Variants in ITGA9 observed in about 807,000 individuals in gnomAD.
ITGA9 encodes the protein integrin alpha-9.
A neutral mutation model predicts 127.8 loss-of-function variants in ITGA9; 56 were observed. The observed-to-expected ratio is 0.44, with a 90% CI of 0.35 to 0.55. The LOEUF (loss-of-function observed/expected upper bound fraction) is 0.55. Among genes scored for constraint, ITGA9 ranks in the 20% least tolerant of loss-of-function variants. The pLI, the probability that ITGA9 is intolerant of heterozygous loss-of-function variation, is 0.00. For synonymous variants in ITGA9, 508 were observed against 514.5 expected, an observed-to-expected ratio of 0.99 and a Z score of 0.17; for missense variants, 1,196 against 1,347.1, an observed-to-expected ratio of 0.89 and a Z score of 1.76.
chr3:37,542,511 A>G lies in ITGA9; in HGVS notation c.1615A>G (p.Met539Val). Residue 539 changes from methionine to valine, a missense_variant, in exon 15 of 28, where the codon ATG (methionine) becomes GTG (valine). Physicochemically the swap from Met to Val is conservative, Grantham distance 21. Transcript: ENST00000264741. ...RVYFVLLGET[M>V]GQVTEKLQLT... ...CTACTTTGTGCTGCTGGGAGAGACC[A>G]TGGGTCAGGTCACAGAGAAGCTGCA... 6.2e-7 allele frequency: 1 copy of G among 1,614,146 alleles called. No individual in the cohort carries two copies. Among genetic ancestry groups the G allele is most frequent in the Non-Finnish European group, 8.5e-7 (1 of 1,180,018 alleles).
chr3:37,477,239 A>T (rs1253636724), intron 3 of ITGA9, among the ~76,000 whole-genome samples: 3 of 152,242 alleles, frequency 2.0e-5, no homozygotes, highest in Non-Finnish European at 4.4e-5. Flanking sequence ...TGTAGGCAAG[A>T]GACCAGTATC....
In ITGA9 at chr3:37,808,736, C is replaced by T. The variant is rs1305992638; in HGVS notation, c.3009+4794C>T. 2.0e-5 allele frequency: 3 copies of T among 152,198 alleles called. No homozygotes were observed. In the East Asian group the frequency reaches 5.8e-4, roughly 29 times the overall value. 9.4% of individuals were successfully genotyped at this position (152,198 alleles called of 1,614,324 possible). On this transcript the variant is annotated intron_variant, in intron 27 of 27. Transcript: ENST00000264741. ...CTAAGCTGGTCTTCAGAGTTCAAGA[C>T]AGCTTCATTCTCATGCCTGGCACCT...
intron 15 of ITGA9, among the ~76,000 whole-genome samples, chr3:37,592,101 C>A (rs2125615639): frequency 6.6e-6 from 1 of 152,276 alleles, no homozygotes; most frequent in Admixed American, 6.5e-5. Flanking sequence ...ATTCCTCCAG[C>A]CTGTCTCTTT....
chr3:37,471,712 G>T (rs1303058210), intron 2 of ITGA9, among the ~76,000 whole-genome samples: 1 of 152,156 alleles, frequency 6.6e-6, no homozygotes, highest in African/African-American at 2.4e-5. Context: ...TCAATTTTGG[G>T]TATTACATTT....
Position 37,518,091 on chromosome 3 carries a change from C to CGTGTGTGTGTGTGT in ITGA9, c.1141+483_1141+484insTGTGTGTGTGTGTG, listed in dbSNP as rs1491416800. On this transcript the variant is annotated intron_variant, in intron 10 of 27. Transcript: ENST00000264741. ...AGCTAGATTGACTTTTGAGAGTGTA[C>CGTGTGTGTGTGTGT]GCGTGTGTGTGTGTGTGTGTGTGTG... Among the ~76,000 whole-genome samples, 354 of 51,870 alleles carry CGTGTGTGTGTGTGT rather than the reference C, an allele frequency of 6.8e-3. 1 individual carries two copies. The highest frequency in any genetic ancestry group is 0.02 in the African/African-American group (322 of 16,090). 34.0% of individuals were successfully genotyped at this position (51,870 alleles called of 152,430 possible).
chr3:37,495,367 A>G (rs893043219), intron 5 of ITGA9, among the ~76,000 whole-genome samples: 4 of 152,186 alleles, frequency 2.6e-5, no homozygotes, highest in African/African-American at 9.7e-5. Context: ...GGCTGGTAGT[A>G]CATTTTTAGG....
At chr3:37,781,126 C>A (rs1458026977) in intron 25 of ITGA9, among the ~76,000 whole-genome samples, 1 of 152,246 alleles carries the variant, frequency 6.6e-6, no homozygotes, top group African/African-American at 2.4e-5. Context: ...CTTTAGCTTG[C>A]ATCAGAATCA....
intron 11 of ITGA9, 125 bp from the exon 12 acceptor site, chr3:37,523,395 CT>C (rs5848034): frequency 0.032 from 16,346 of 508,834 alleles, 8 homozygotes; most frequent in Middle Eastern, 0.058. Flanking sequence ...ATTAGGATTA[CT>C]TTTTTTTTTT....
At chr3:37,785,141 C>A in intron 26 of ITGA9, 63 bp downstream of exon 26, 2 of 1,162,290 alleles carry the variant, frequency 1.7e-6, no homozygotes, top group Non-Finnish European at 2.6e-6. Flanking sequence ...GACTTGGAGA[C>A]CTGGAGCTGG....
chr3:37,808,575 C>A (rs1476645577), intron 27 of ITGA9: 1 of 152,168 alleles, frequency 6.6e-6, no homozygotes, highest in East Asian at 1.9e-4. Context: ...TACAAACTGC[C>A]CCCAAATTGA....
chr3:37,743,643 C>A (rs1696464925), intron 21 of ITGA9, among the ~76,000 whole-genome samples: 2 of 152,156 alleles, frequency 1.3e-5, no homozygotes, highest in South Asian at 4.2e-4. Context: ...CTTTTATAAT[C>A]CAGTTTTTAA....
At chr3:37,802,100 C>T (rs1468111367) in intron 26 of ITGA9, among the ~76,000 whole-genome samples, 6 of 152,154 alleles carry the variant, frequency 3.9e-5, no homozygotes, top group East Asian at 1.9e-4. Flanking sequence ...GGGTTCAAAT[C>T]GTGACTGTGC....
At chr3:37,616,279 G>A (rs1221425757) in intron 15 of ITGA9, among the ~76,000 whole-genome samples, 1 of 152,206 alleles carries the variant, frequency 6.6e-6, no homozygotes, top group African/African-American at 2.4e-5. Context: ...GCGGTTTTGA[G>A]TGAATTTCTT....
chr3:37,743,827 T>C, intron 21 of ITGA9, 99 bp from the exon 22 acceptor site: 1 of 862,192 alleles, frequency 1.2e-6, no homozygotes, highest in Non-Finnish European at 2.0e-6. Context: ...TGCAAGACAC[T>C]GGATTAAATT....
rs150299592 is a variant in ITGA9, at chr3:37,710,388, A to G, written c.2068-22324A>G. Among the ~76,000 whole-genome samples the G allele has an allele frequency of 7.5e-4, 91 of 121,142 alleles. 1 individual carries two copies. The East Asian group carries it at 0.02, about 27-fold the overall frequency. The allele number at this position is 121,142 out of a possible 152,430, so 79.5% of individuals were successfully genotyped here. A position where few individuals can be genotyped will look rare whatever the true frequency, so the allele number is the denominator to read the frequency against. ...ACATCGAGAAACTGACGGTGTTGTC[A>G]AGAAATAAATATCCCCCCCCCACAC... is the stretch of plus-strand genomic sequence containing the variant. On this transcript the variant is annotated intron_variant, in intron 18 of 27. Transcript: ENST00000264741.
chr3:37,628,684 G>T (rs1034221447), intron 15 of ITGA9, among the ~76,000 whole-genome samples: 3 of 152,106 alleles, frequency 2.0e-5, no homozygotes, highest in African/African-American at 7.2e-5. Flanking sequence ...AGAACACAGG[G>T]CCAGGAGTCA....
At chr3:37,710,674 G>A (rs1473331399) in intron 18 of ITGA9, among the ~76,000 whole-genome samples, 3 of 152,202 alleles carry the variant, frequency 2.0e-5, no homozygotes, top group African/African-American at 7.2e-5. Context: ...GAAAGGGACA[G>A]TATGAATAAT....
chr3:37,534,114 A>T (rs1699185074), intron 14 of ITGA9, among the ~76,000 whole-genome samples: 1 of 152,198 alleles, frequency 6.6e-6, no homozygotes, highest in Admixed American at 6.5e-5. Flanking sequence ...ACAAGATAGA[A>T]CCAGTGTTGA....
chr3:37,460,107 C>G (rs1698300687), intron 1 of ITGA9, among the ~76,000 whole-genome samples: 2 of 151,978 alleles, frequency 1.3e-5, no homozygotes, highest in South Asian at 4.2e-4. Context: ...TTGTTACTAT[C>G]CCCCCATCCA....
Sources: gnomAD v4.1 joint callset for allele counts (sites outside exome capture counted in the v4.1 genomes callset) on GRCh38, gnomAD v4.1.1 for gene constraint, MANE v1.5 for transcripts, NCBI Gene and HGNC (gene_info 2026-07-23, HGNC 2026-07-21) for gene names.